The following ADAM12 variants were observed in gnomAD, a reference collection of about 807,000 sequenced individuals.
The protein encoded by ADAM12 is ADAM metallopeptidase domain 12.
In ADAM12, 70 loss-of-function variants were observed where a neutral mutation model predicts 106.4. The observed-to-expected ratio is 0.66, with a 90% CI of 0.54 to 0.80. ADAM12 has a LOEUF of 0.80. Ranked by LOEUF, ADAM12 falls within the 30% of genes least tolerant of loss-of-function variation. The pLI, the probability that ADAM12 is intolerant of heterozygous loss-of-function variation, is 0.00. For missense variants in ADAM12, 1,010 were observed against 1,171.9 expected (o/e 0.86, Z 2.02); for synonymous variants, 420 against 433.5 (o/e 0.97, Z 0.39).
rs114164491 is a variant in ADAM12 at position 126,276,313 on chromosome 10, T to C, written c.260+2602A>G. Among the ~76,000 whole-genome samples the C allele has an allele frequency of 7.2e-3, 1,100 of 152,340 alleles. 11 individuals carry two copies. Among genetic ancestry groups the C allele is most frequent in the African/African-American group, 0.025 (1,039 of 41,572 alleles). ...TTATATTTTTATCTCTGGGTTCTTA[T>C]AGTTTCACTTGTAAAAACTCTCGGA... On this transcript the variant is annotated intron_variant, in intron 3 of 22. Coordinates refer to ENST00000448723, the MANE Select transcript of ADAM12 (RefSeq NM_001288973.2).
At chr10:126,083,274 C>T (rs1955266561) in intron 11 of ADAM12, among the ~76,000 whole-genome samples, 1 of 152,222 alleles carries the variant, frequency 6.6e-6, no homozygotes, top group Non-Finnish European at 1.5e-5. Flanking sequence ...GTGCAGGCAG[C>T]TTGGGTTCCT....
intron 1 of ADAM12, among the ~76,000 whole-genome samples, chr10:126,354,756 G>A (rs1182771612): frequency 2.0e-5 from 3 of 151,556 alleles, no homozygotes; most frequent in East Asian, 3.9e-4. Flanking sequence ...TCTTTTAGTG[G>A]ATACTGCAGA....
chr10:126,369,122 T>A (rs1410423026), intron 1 of ADAM12, among the ~76,000 whole-genome samples: 1 of 152,170 alleles, frequency 6.6e-6, no homozygotes, highest in East Asian at 1.9e-4. Context: ...TACATGGTAT[T>A]TTTTTTCAAA....
At chr10:126,129,735 G>A (rs995069813) in intron 5 of ADAM12, among the ~76,000 whole-genome samples, 6 of 152,166 alleles carry the variant, frequency 3.9e-5, no homozygotes, top group African/African-American at 1.4e-4. Context: ...ATTCGACTTG[G>A]AGTCATTTCA....
chr10:126,372,700 T>C (rs536081596), intron 1 of ADAM12, among the ~76,000 whole-genome samples: 1 of 152,362 alleles, frequency 6.6e-6, no homozygotes, highest in East Asian at 1.9e-4. Context: ...TTGAAAACAG[T>C]TGTCTTGATT....
intron 11 of ADAM12, among the ~76,000 whole-genome samples, chr10:126,080,589 G>A (rs1326449039): frequency 6.6e-6 from 1 of 152,154 alleles, no homozygotes; most frequent in Non-Finnish European, 1.5e-5. Flanking sequence ...CCGTGGCAGG[G>A]TGACTGTGGC....
rs144218188 is a variant in ADAM12, at chr10:126,027,211, C to T, written c.2530-7386G>A. Among the ~76,000 whole-genome samples the T allele has an allele frequency of 5.5e-4, 84 of 152,216 alleles. No homozygotes were observed. The South Asian group carries it at 8.7e-3, about 16-fold the overall frequency. ...ATCCCTGAATAGGCCAATAATGAGT[C>T]CTGAAATTGAGGCAGTAGTAAATAG... On this transcript the variant is annotated intron_variant, in intron 21 of 22. Transcript: ENST00000448723.
intron 3 of ADAM12, among the ~76,000 whole-genome samples, chr10:126,269,613 T>C (rs1959165863): frequency 6.6e-6 from 1 of 152,152 alleles, no homozygotes; most frequent in African/African-American, 2.4e-5. Context: ...GCCTCTCCAC[T>C]GCTAGAGACC....
At position 126,066,240 on chromosome 10, in the gene ADAM12, GTT is replaced by G. The variant is rs1357968342; in HGVS notation, c.1413+475_1413+476del. Among the ~76,000 whole-genome samples the G allele has an allele frequency of 6.6e-6, 1 of 152,180 alleles. No individual in the cohort carries two copies. Among genetic ancestry groups the G allele is most frequent in the Non-Finnish European group, 1.5e-5 (1 of 68,038 alleles). ...AAACTGCCATTCTTGGCTGGGCGGG[GTT>G]GGTGGCAACTTCTTTTGGGAGGACA... is the stretch of plus-strand genomic sequence containing the variant. On this transcript the variant is annotated intron_variant, in intron 13 of 22. Transcript: ENST00000448723. This position sits in a 1 kb window ranked among gnomAD's most constrained non-coding sequence, Gnocchi z 5.1.
chr10:126,141,138 C>T (rs548324771), intron 4 of ADAM12, among the ~76,000 whole-genome samples: 8 of 152,350 alleles, frequency 5.3e-5, no homozygotes, highest in African/African-American at 1.4e-4. Flanking sequence ...AGCCATCATG[C>T]CTAAGAGGGG....
At chr10:126,041,445 G>A (rs1954167177) in intron 18 of ADAM12, 1 of 985,524 alleles carries the variant, frequency 1.0e-6, no homozygotes, top group African/African-American at 1.7e-5. Flanking sequence ...TTAAATGAAG[G>A]GTTGGTGACT....
chr10:126,163,491 T>G (rs1956972088), intron 3 of ADAM12, among the ~76,000 whole-genome samples: 1 of 152,236 alleles, frequency 6.6e-6, no homozygotes, highest in African/African-American at 2.4e-5. Flanking sequence ...ATGTCCTGCA[T>G]TTCTGAAATG....
chr10:126,101,765 C>G (rs1481660606), intron 8 of ADAM12, among the ~76,000 whole-genome samples: 1 of 152,192 alleles, frequency 6.6e-6, no homozygotes, highest in Non-Finnish European at 1.5e-5. Flanking sequence ...CACCTATAAT[C>G]AACGCAGGTT....
chr10:126,236,602 TCACAGGAAGGAGCACC>T (rs1311799629), intron 3 of ADAM12, among the ~76,000 whole-genome samples: 16 of 149,902 alleles, frequency 1.1e-4, no homozygotes, highest in Non-Finnish European at 1.8e-4. Flanking sequence ...GAAGGAGCAC[TCACAGGAAGGAGCACC>T]CACAGGAAGG....
At chr10:126,304,464 C>G (rs183555068) in intron 2 of ADAM12, among the ~76,000 whole-genome samples, 21 of 151,982 alleles carry the variant, frequency 1.4e-4, no homozygotes, top group Admixed American at 2.6e-4. Flanking sequence ...AAATAAAAGG[C>G]AGAGATGGTC....
At chr10:126,174,991 C>T (rs1674887) in intron 3 of ADAM12, among the ~76,000 whole-genome samples, 9,579 of 152,168 alleles carry the variant, frequency 0.063, 439 homozygotes, top group African/African-American at 0.12. Flanking sequence ...CTCCTGACCT[C>T]GTGATCCGTC....
intron 11 of ADAM12, among the ~76,000 whole-genome samples, chr10:126,078,807 G>A (rs1250496802): frequency 6.6e-6 from 1 of 151,920 alleles, no homozygotes; most frequent in East Asian, 1.9e-4. Flanking sequence ...ACAGTTAGGG[G>A]ATGGCAGTAC....
intron 8 of ADAM12, among the ~76,000 whole-genome samples, chr10:126,105,157 G>A (rs1391975288): frequency 1.3e-5 from 2 of 152,190 alleles, no homozygotes; most frequent in African/African-American, 2.4e-5. Context: ...CACGGAGTCC[G>A]TTAGGACTTT....
At chr10:126,187,521 G>A (rs2133795703) in intron 3 of ADAM12, among the ~76,000 whole-genome samples, 1 of 152,246 alleles carries the variant, frequency 6.6e-6, no homozygotes, top group Non-Finnish European at 1.5e-5. Context: ...CTCAGGTCTG[G>A]AGTCATCATG....
Sources: gnomAD v4.1 joint callset for allele counts (sites outside exome capture counted in the v4.1 genomes callset) on GRCh38, gnomAD v4.1.1 for gene constraint, Gnocchi (gnomAD v3.1) non-coding constraint, MANE v1.5 for transcripts, NCBI Gene and HGNC (gene_info 2026-07-23, HGNC 2026-07-21) for gene names.